STXBP5L: variants seen among roughly 807,000 people sequenced by gnomAD.
STXBP5L encodes syntaxin binding protein 5L, also known as syntaxin-binding protein 5-like.
STXBP5L carries 65 observed loss-of-function variants against 144.5 expected under a neutral mutation model. The ratio of observed to expected loss-of-function variants is 0.45; its 90% CI spans 0.37 to 0.55. The LOEUF is 0.55. Ranked by LOEUF, STXBP5L falls within the 20% of genes least tolerant of loss-of-function variation. The probability of loss-of-function intolerance (pLI) is 0.00; values close to 1 mark genes in which losing one functional copy is unlikely to be tolerated. For missense variants in STXBP5L, 1,298 were observed against 1,405.5 expected (o/e 0.92, Z 1.22); for synonymous variants, 505 against 469.6 (o/e 1.08, Z -0.97).
chr3:120,978,874 C>G (rs532302952), intron 3 of STXBP5L, among the ~76,000 whole-genome samples: 1 of 152,124 alleles, frequency 6.6e-6, no homozygotes, highest in African/African-American at 2.4e-5. Context: ...TCGTGAACCG[C>G]GAATGCTGCT....
rs78305027 is a variant in STXBP5L at position 121,064,185 on chromosome 3, G to A, written c.470+18650G>A. On this transcript the variant is annotated intron_variant, in intron 5 of 26. Coordinates refer to ENST00000471454, the MANE Select transcript of STXBP5L (RefSeq NM_001308330.2). ...CTGTGGAAAGTGTAGTATCTGAGCC[G>A]GAATGCACAGTCCCTCACAGCTTCC... 3.9e-3 allele frequency among the ~76,000 whole-genome samples: 596 copies of A among 152,200 alleles called. 2 individuals are homozygous for A. Among genetic ancestry groups the A allele is most frequent in the African/African-American group, 0.012 (495 of 41,518 alleles).
intron 10 of STXBP5L, 31 bp downstream of exon 10, chr3:121,206,032 T>C (rs2048322722): frequency 1.5e-6 from 2 of 1,345,076 alleles, no homozygotes; most frequent in South Asian, 1.7e-5. Context: ...GAAAGAGGGA[T>C]ACGAAGCAGA....
chr3:121,201,998 C>A (rs1449164352), intron 9 of STXBP5L, among the ~76,000 whole-genome samples: 2 of 152,138 alleles, frequency 1.3e-5, no homozygotes, highest in African/African-American at 4.8e-5. Context: ...TCAGGTGATC[C>A]ACCTACCTTG....
intron 3 of STXBP5L, among the ~76,000 whole-genome samples, chr3:120,969,676 G>A (rs1191645196): frequency 1.3e-5 from 2 of 151,854 alleles, no homozygotes; most frequent in African/African-American, 2.4e-5. Flanking sequence ...ATCGTTTCAG[G>A]TCTTATATTT....
chr3:121,351,854 T>A (rs2045295778), intron 20 of STXBP5L, among the ~76,000 whole-genome samples: 1 of 152,144 alleles, frequency 6.6e-6, no homozygotes, highest in African/African-American at 2.4e-5. Flanking sequence ...TTGAATGAAT[T>A]TTTGTATAAG....
chr3:121,331,028 C>A (rs1186039168), intron 20 of STXBP5L, among the ~76,000 whole-genome samples: 1 of 152,182 alleles, frequency 6.6e-6, no homozygotes, highest in African/African-American at 2.4e-5. Flanking sequence ...GCGTGGCAGC[C>A]CCACAGGGCA....
intron 5 of STXBP5L, among the ~76,000 whole-genome samples, chr3:121,065,199 C>T (rs2041483423): frequency 6.6e-6 from 1 of 152,010 alleles, no homozygotes; most frequent in East Asian, 1.9e-4. Context: ...CTGTACTAAA[C>T]ATATGAGGGC....
Position 121,374,726 on chromosome 3 carries a change from T to C in STXBP5L, c.2177-3990T>C, listed in dbSNP as rs1442011398. ...CAAGCAGAAGAAAGAATTTCTGAACTTGAAGCCAGGTCTTTTGAAATAACC... is the reference window on the plus strand; with the variant it reads ...CAAGCAGAAGAAAGAATTTCTGAACCTGAAGCCAGGTCTTTTGAAATAACC... On this transcript the variant is annotated intron_variant, in intron 20 of 26. Transcript: ENST00000471454. 2.0e-5 allele frequency among the ~76,000 whole-genome samples: 3 copies of C among 151,980 alleles called. No individual in the cohort carries two copies. In the East Asian group the frequency reaches 5.8e-4, roughly 29 times the overall value.
chr3:121,273,570 A>G (rs1055883388), intron 18 of STXBP5L, among the ~76,000 whole-genome samples: 1 of 151,858 alleles, frequency 6.6e-6, no homozygotes, highest in Non-Finnish European at 1.5e-5. Context: ...AAAGTTTTCA[A>G]CCATTATTTC....
At chr3:121,232,219 T>G (rs527939547) in intron 11 of STXBP5L, among the ~76,000 whole-genome samples, 3 of 152,082 alleles carry the variant, frequency 2.0e-5, no homozygotes, top group Non-Finnish European at 4.4e-5. Flanking sequence ...CCAGTCAAGT[T>G]CCTAGTCAAA....
intron 5 of STXBP5L, among the ~76,000 whole-genome samples, chr3:121,113,701 G>A (rs544354841): frequency 1.2e-4 from 15 of 130,234 alleles, no homozygotes; most frequent in Non-Finnish European, 2.0e-4. Flanking sequence ...GTGACACAGA[G>A]TCTTGCTCTG....
chr3:121,002,681 A>T (rs1261506022), intron 3 of STXBP5L, among the ~76,000 whole-genome samples: 1 of 151,858 alleles, frequency 6.6e-6, no homozygotes, highest in Admixed American at 6.6e-5. Context: ...CATTAGGTAT[A>T]CCTCCTAATG....
intron 10 of STXBP5L, among the ~76,000 whole-genome samples, chr3:121,206,937 T>C (rs879394178): frequency 2.0e-5 from 3 of 152,248 alleles, no homozygotes; most frequent in Admixed American, 2.0e-4. Context: ...ATTAAATTTA[T>C]TTTAATTCAA....
chr3:120,977,581 G>A (rs2638581), intron 3 of STXBP5L, among the ~76,000 whole-genome samples: 2 of 151,932 alleles, frequency 1.3e-5, no homozygotes, highest in South Asian at 4.1e-4. Flanking sequence ...ATTTGATCCT[G>A]TCATTATGAT....
intron 2 of STXBP5L, among the ~76,000 whole-genome samples, chr3:120,942,666 AC>A (rs1313625262): frequency 1.3e-5 from 2 of 151,214 alleles, no homozygotes; most frequent in Non-Finnish European, 3.0e-5. Flanking sequence ...TAGATAATTT[AC>A]CACATTCTTT....
intron 5 of STXBP5L, chr3:121,049,555 C>G (rs924846342): frequency 1.3e-5 from 2 of 154,300 alleles, no homozygotes; most frequent in African/African-American, 2.4e-5. Context: ...CTGCCTCTCC[C>G]TCTAGAAGCT....
intron 3 of STXBP5L, among the ~76,000 whole-genome samples, chr3:120,959,905 G>C (rs912545111): frequency 6.6e-6 from 1 of 152,110 alleles, no homozygotes; most frequent in Non-Finnish European, 1.5e-5. Context: ...ATTGACAAAT[G>C]GGATCTAATT....
intron 20 of STXBP5L, among the ~76,000 whole-genome samples, chr3:121,319,629 C>T (rs2043902984): frequency 1.3e-5 from 2 of 152,084 alleles, no homozygotes; most frequent in South Asian, 4.1e-4. Context: ...TGCCTCATAC[C>T]TATGGTATCA....
intron 2 of STXBP5L, among the ~76,000 whole-genome samples, chr3:120,916,747 A>AATTTCTCTC (rs1709121740): frequency 6.6e-6 from 1 of 152,172 alleles, no homozygotes; most frequent in African/African-American, 2.4e-5. Flanking sequence ...TAGAAAGTAA[A>AATTTCTCTC]GATTGGAATT....
Sources: allele counts gnomAD v4.1 joint callset (sites outside exome capture counted in the v4.1 genomes callset), GRCh38; gene constraint gnomAD v4.1.1; transcripts MANE v1.5; gene names NCBI Gene and HGNC (gene_info 2026-07-23, HGNC 2026-07-21).